The following P2RY10 variants were observed in gnomAD, a reference collection of about 807,000 sequenced individuals.
The protein encoded by P2RY10 is P2Y receptor family member 10.
Under a neutral mutation model 12.1 loss-of-function variants are expected in P2RY10, and 4 were observed. The observed-to-expected ratio is 0.33, with a 90% CI of 0.16 to 0.76. P2RY10 has a LOEUF of 0.76. Among genes scored for constraint, P2RY10 ranks in the 30% least tolerant of loss-of-function variants. The pLI, the probability that P2RY10 is intolerant of heterozygous loss-of-function variation, is 0.61. For synonymous variants in P2RY10, 112 were observed against 94.1 expected (o/e 1.19, Z -1.10); for missense variants, 233 against 264.6 (o/e 0.88, Z 0.83).
At chrX:78,948,647 C>T (rs1445168966) in intron 2 of P2RY10, among the ~76,000 whole-genome samples, 1 of 111,232 alleles carries the variant, frequency 9.0e-6, no homozygotes, top group Non-Finnish European at 1.9e-5. Context: ...CTCTAGATTC[C>T]ATTATATCAC....
intron 2 of P2RY10, among the ~76,000 whole-genome samples, chrX:78,948,679 A>T (rs966835774): frequency 9.0e-6 from 1 of 111,581 alleles, no homozygotes; most frequent in Non-Finnish European, 1.9e-5. Context: ...TTGCATAATC[A>T]TAGCTTATCT....
chrX:78,961,108 C>G lies in P2RY10; in HGVS notation c.588C>G (p.Val196=). 1 of 1,210,706 alleles carries G rather than the reference C, an allele frequency of 8.3e-7. No individual in the cohort carries two copies. The highest frequency in any genetic ancestry group is 1.1e-6 in the Non-Finnish European group (1 of 894,947). Residue 196 remains valine (V), a synonymous_variant, in exon 4 of 4, where the codon GTC becomes GTG. Coordinates refer to ENST00000171757, the MANE Select transcript of P2RY10 (RefSeq NM_014499.4). ...AGCAAATGAATGCAGTTGCGTTGGT[C>G]GGGATGATTACAGTTGCTGAGCTTG... ...GYKQMNAVAL[V]GMITVAELAG...
intron 2 of P2RY10, among the ~76,000 whole-genome samples, chrX:78,948,800 G>A (rs748702846): frequency 1.7e-4 from 19 of 111,701 alleles, no homozygotes; most frequent in Non-Finnish European, 2.8e-4. Context: ...ACATTATTGC[G>A]ATCCTTTTTA....
intron 1 of P2RY10, among the ~76,000 whole-genome samples, chrX:78,947,344 T>A (rs949536526): frequency 8.9e-6 from 1 of 112,368 alleles, no homozygotes; most frequent in African/African-American, 3.2e-5. Flanking sequence ...AGGGCAATGG[T>A]TCCCCGGTGG....
chrX:78,946,323 T>C lies in P2RY10; in HGVS notation c.-206+828T>C, dbSNP rs778829582. The stretch of plus-strand genomic sequence containing the variant: ...CAGCCTTACTGGATAGCAAAGCCCA[T>C]GAGTGAGGCACTCATTTTTTCAGTT... On this transcript the variant is annotated intron_variant, in intron 1 of 3. Coordinates refer to ENST00000171757, the MANE Select transcript of P2RY10 (RefSeq NM_014499.4). Among the ~76,000 whole-genome samples the C allele has an allele frequency of 1.1e-3, 122 of 111,790 alleles. 5 individuals are homozygous for C. The highest frequency in any genetic ancestry group is 9.4e-4 in the Non-Finnish European group (50 of 53,153).
rs1922664831 is a variant in P2RY10 at position 78,962,221 on chromosome X, G to C, written c.*681G>C. Among the ~76,000 whole-genome samples, 1 of 110,346 alleles carries C rather than the reference G, an allele frequency of 9.1e-6. No homozygotes were observed. The highest frequency in any genetic ancestry group is 1.9e-5 in the Non-Finnish European group (1 of 52,856). On this transcript the variant is annotated 3_prime_UTR_variant, in exon 4 of 4. Coordinates refer to ENST00000171757, the MANE Select transcript of P2RY10 (RefSeq NM_014499.4). ...CTTTAGTGGTGATTTGTGAGATTTT[G>C]GTGCAGCCATCACCCGAGCAGTATA...
chrX:78,952,342 A>C lies in P2RY10; in HGVS notation c.-14+7A>C. ...AGAGCACTTCAAACTAGAGGTACCAAGAGTAATTACTTCTGTAAGGCTGGC... is the reference window on the plus strand; with the variant it reads ...AGAGCACTTCAAACTAGAGGTACCACGAGTAATTACTTCTGTAAGGCTGGC... On this transcript the variant is annotated splice_region_variant and intron_variant, in intron 3 of 3. Transcript: ENST00000171757. The C allele has an allele frequency of 1.3e-6, 1 of 748,754 alleles. No homozygotes were observed. Among genetic ancestry groups the C allele is most frequent in the African/African-American group, 2.3e-5 (1 of 43,687 alleles). The allele number at this position is 748,754 out of a possible 1,213,427, so 61.7% of individuals were successfully genotyped here.
At chrX:78,956,629 G>T (rs1372071606) in intron 3 of P2RY10, among the ~76,000 whole-genome samples, 2 of 110,036 alleles carry the variant, frequency 1.8e-5, no homozygotes, top group African/African-American at 6.6e-5. Flanking sequence ...AAAAGAGAAA[G>T]AACAGAGAGT....
At chrX:78,959,735 A>G (rs184797193) in intron 3 of P2RY10, among the ~76,000 whole-genome samples, 70 of 112,037 alleles carry the variant, frequency 6.2e-4, no homozygotes, top group African/African-American at 2.2e-3. Context: ...ATAATATGCC[A>G]TGTGAATGTT....
intron 1 of P2RY10, among the ~76,000 whole-genome samples, chrX:78,945,787 G>A (rs1921803714): frequency 8.9e-6 from 1 of 112,011 alleles, no homozygotes; most frequent in African/African-American, 3.2e-5. Flanking sequence ...AGAGAAGATG[G>A]CACAAAGTGG....
At chrX:78,955,295 G>T (rs868830360) in intron 3 of P2RY10, among the ~76,000 whole-genome samples, 1 of 109,890 alleles carries the variant, frequency 9.1e-6, no homozygotes, top group African/African-American at 3.3e-5. Context: ...CCCTCTCAAG[G>T]TTGCTACAAA....
intron 2 of P2RY10, among the ~76,000 whole-genome samples, chrX:78,951,513 C>G (rs1922099017): frequency 9.0e-6 from 1 of 111,313 alleles, no homozygotes; most frequent in Non-Finnish European, 1.9e-5. Flanking sequence ...TACCTTCTCA[C>G]AGTGCAGCCT....
At chrX:78,957,385 C>CAGAG (rs1281912666) in intron 3 of P2RY10, among the ~76,000 whole-genome samples, 5 of 81,925 alleles carry the variant, frequency 6.1e-5, no homozygotes, top group African/African-American at 1.6e-4. Flanking sequence ...CACACACACA[C>CAGAG]ACAGAGAGAG....
intron 2 of P2RY10, among the ~76,000 whole-genome samples, chrX:78,949,536 C>T (rs1922012638): frequency 1.8e-5 from 2 of 111,913 alleles, no homozygotes; most frequent in Non-Finnish European, 3.8e-5. Context: ...ATTATTTCCA[C>T]CCATAAAATG....
chrX:78,951,604 G>A (rs1223438268), intron 2 of P2RY10, among the ~76,000 whole-genome samples: 1 of 111,219 alleles, frequency 9.0e-6, no homozygotes, highest in Middle Eastern at 4.6e-3. Flanking sequence ...GTTGAGATGC[G>A]ATATTGAGAC....
chrX:78,951,992 A>G (rs916158160), intron 2 of P2RY10, among the ~76,000 whole-genome samples: 16 of 111,531 alleles, frequency 1.4e-4, no homozygotes, highest in Non-Finnish European at 2.8e-4. Flanking sequence ...TTCAGCTCCC[A>G]CTTATAAGTG....
At chrX:78,959,977 G>A (rs1214677447) in intron 3 of P2RY10, among the ~76,000 whole-genome samples, 1 of 111,411 alleles carries the variant, frequency 9.0e-6, no homozygotes, top group African/African-American at 3.3e-5. Context: ...GATCAGCCGG[G>A]ACACTGACAA....
chrX:78,960,019 A>G (rs1010379874), intron 3 of P2RY10, among the ~76,000 whole-genome samples: 1 of 110,951 alleles, frequency 9.0e-6, no homozygotes, highest in Non-Finnish European at 1.9e-5. Context: ...CAATTTTTCA[A>G]GTGATGGGGT....
chrX:78,962,814 T>TAA lies in P2RY10; in HGVS notation c.*1277_*1278dup. Among the ~76,000 whole-genome samples, 1 of 111,999 alleles carries TAA rather than the reference T, an allele frequency of 8.9e-6. No individual in the cohort carries two copies. The highest frequency in any genetic ancestry group is 4.6e-3 in the Middle Eastern group (1 of 219). ...ACCCTGTGGAGTGATAAACATTCTATAAAACCTGGAAATTTGTGTGGAGTT... is the reference window on the plus strand; with the variant it reads ...ACCCTGTGGAGTGATAAACATTCTATAAAAAACCTGGAAATTTGTGTGGAGTT... On this transcript the variant is annotated 3_prime_UTR_variant, in exon 4 of 4. Coordinates refer to ENST00000171757, the MANE Select transcript of P2RY10 (RefSeq NM_014499.4).
Sources: gnomAD v4.1 joint callset for allele counts (sites outside exome capture counted in the v4.1 genomes callset) on GRCh38, gnomAD v4.1.1 for gene constraint, MANE v1.5 for transcripts, NCBI Gene and HGNC (gene_info 2026-07-23, HGNC 2026-07-21) for gene names.